Variants in PHACTR1 observed in about 807,000 individuals in gnomAD.
PHACTR1 encodes the protein RPEL repeat containing 1.
In PHACTR1, 16 loss-of-function variants were observed where a neutral mutation model predicts 69.2. That is an observed-to-expected ratio of 0.23 (90% CI 0.16 to 0.35). The LOEUF is 0.35. PHACTR1 is among the 10% of genes least tolerant of loss of function. The pLI is 1.00. For missense variants in PHACTR1, 510 were observed against 734.7 expected (o/e 0.69, Z 3.54); for synonymous variants, 312 against 284.5 (o/e 1.10, Z -0.97).
intron 5 of PHACTR1, among the ~76,000 whole-genome samples, chr6:13,093,449 G>A (rs894417913): frequency 6.6e-6 from 1 of 152,086 alleles, no homozygotes; most frequent in African/African-American, 2.4e-5. Flanking sequence ...GCCTCCCACG[G>A]CCATCATCAT....
intron 4 of PHACTR1, among the ~76,000 whole-genome samples, chr6:12,787,110 AT>A (rs1771636886): frequency 6.6e-6 from 1 of 152,238 alleles, no homozygotes; most frequent in Admixed American, 6.5e-5. Flanking sequence ...CTTATAAAAT[AT>A]TAGAATTGAA....
chr6:13,014,262 A>T (rs1345765203), intron 4 of PHACTR1, among the ~76,000 whole-genome samples: 1 of 151,884 alleles, frequency 6.6e-6, no homozygotes, highest in Non-Finnish European at 1.5e-5. Flanking sequence ...GGACATCCGC[A>T]CTCCACCCAG....
intron 4 of PHACTR1, chr6:12,957,392 G>A (rs890874715): frequency 5.8e-5 from 57 of 985,350 alleles, no homozygotes; most frequent in Admixed American, 6.2e-5. Context: ...GACGGCCGAG[G>A]CAGGTCGGGG....
intron 4 of PHACTR1, among the ~76,000 whole-genome samples, chr6:13,047,655 G>T (rs1805286611): frequency 6.6e-6 from 1 of 152,250 alleles, no homozygotes; most frequent in Non-Finnish European, 1.5e-5. Context: ...CACATGGGGA[G>T]ATCTCCACTG....
chr6:12,830,129 G>GAAAAGAAAGAAAGAAAGAAAGAAAGA (rs138888499), intron 4 of PHACTR1, among the ~76,000 whole-genome samples: 2 of 136,564 alleles, frequency 1.5e-5, no homozygotes, highest in African/African-American at 5.5e-5. Context: ...AAGAAAGAAA[G>GAAAAGAAAGAAAGAAAGAAAGAAAGA]AAAGAAAGAA....
At chr6:13,103,689 T>A (rs1310954239) in intron 5 of PHACTR1, among the ~76,000 whole-genome samples, 1 of 152,240 alleles carries the variant, frequency 6.6e-6, no homozygotes, top group Non-Finnish European at 1.5e-5. Flanking sequence ...CCCCATACCT[T>A]GTGACACCCA....
chr6:13,084,547 T>TA (rs889712692), intron 5 of PHACTR1, among the ~76,000 whole-genome samples: 4 of 149,058 alleles, frequency 2.7e-5, no homozygotes, highest in Admixed American at 2.0e-4. Context: ...TAATACAAAT[T>TA]AAAAAAAAAG....
At chr6:12,732,873 C>G (rs190602091) in intron 3 of PHACTR1, among the ~76,000 whole-genome samples, 3 of 152,254 alleles carry the variant, frequency 2.0e-5, no homozygotes, top group Admixed American at 2.0e-4. Context: ...TTGCTTTTTC[C>G]CAACGGGTGA....
chr6:12,729,724 G>A (rs144359889), intron 3 of PHACTR1, among the ~76,000 whole-genome samples: 3 of 152,336 alleles, frequency 2.0e-5, no homozygotes, highest in Non-Finnish European at 2.9e-5. Flanking sequence ...ACACACTGGG[G>A]AGGAAGACCA....
At chr6:12,727,040 T>C (rs1409109031) in intron 3 of PHACTR1, among the ~76,000 whole-genome samples, 2 of 152,226 alleles carry the variant, frequency 1.3e-5, no homozygotes, top group Admixed American at 6.5e-5. Flanking sequence ...TTTTTGCTTT[T>C]ATTTGTTGTT....
At position 13,194,171 on chromosome 6, in the gene PHACTR1, A is replaced by C. The variant is rs1764015781; in HGVS notation, c.664+11485A>C. 2.0e-5 allele frequency among the ~76,000 whole-genome samples: 3 copies of C among 152,166 alleles called. No individual in the cohort carries two copies. In the South Asian group the frequency reaches 6.2e-4, roughly 32 times the overall value. On this transcript the variant is annotated intron_variant, in intron 7 of 14. Coordinates refer to ENST00000332995, the MANE Select transcript of PHACTR1 (RefSeq NM_030948.6). ...TGTAATCCCAGTACTTTGGGAGGCCAAGGTGGGCAGATCACGAGGTCAAGA... is the reference window on the plus strand; with the variant it reads ...TGTAATCCCAGTACTTTGGGAGGCCCAGGTGGGCAGATCACGAGGTCAAGA...
At chr6:12,894,605 A>G (rs1784472707) in intron 4 of PHACTR1, among the ~76,000 whole-genome samples, 1 of 152,200 alleles carries the variant, frequency 6.6e-6, no homozygotes, top group Non-Finnish European at 1.5e-5. Context: ...ACTCCTTCTG[A>G]AAAAAGAAAC....
intron 4 of PHACTR1, among the ~76,000 whole-genome samples, chr6:13,017,811 AT>A (rs1800408096): frequency 6.6e-6 from 1 of 152,116 alleles, no homozygotes; most frequent in African/African-American, 2.4e-5. Context: ...GTTTTTAAAA[AT>A]ATCTTGAAGC....
At chr6:12,767,924 G>A (rs1309784186) in intron 4 of PHACTR1, among the ~76,000 whole-genome samples, 1 of 152,106 alleles carries the variant, frequency 6.6e-6, no homozygotes, top group Non-Finnish European at 1.5e-5. Context: ...AGTGGTACTT[G>A]GCTTAAATAT....
At chr6:13,083,813 T>A (rs1442883739) in intron 5 of PHACTR1, among the ~76,000 whole-genome samples, 1 of 152,150 alleles carries the variant, frequency 6.6e-6, no homozygotes, top group Non-Finnish European at 1.5e-5. Flanking sequence ...GAGACTTTGC[T>A]GAAGTTGCTT....
In PHACTR1 at chr6:13,069,576, T is replaced by C. The variant is rs140274475; in HGVS notation, c.415+16047T>C. On this transcript the variant is annotated intron_variant, in intron 5 of 14. Transcript: ENST00000332995. ...TATTGTTCTTTCTTTCTTCCTCGGC[T>C]CTGGTTTTCTTTCCATTCTTTCCCT... Among the ~76,000 whole-genome samples, 274 of 152,244 alleles carry C rather than the reference T, an allele frequency of 1.8e-3. 1 individual carries two copies. Among genetic ancestry groups the C allele is most frequent in the African/African-American group, 6.2e-3 (256 of 41,542 alleles).
intron 4 of PHACTR1, among the ~76,000 whole-genome samples, chr6:12,871,973 A>C (rs533642848): frequency 1.3e-5 from 2 of 151,520 alleles, no homozygotes; most frequent in East Asian, 3.9e-4. Context: ...CCTTTTATCT[A>C]CCAATTTTCA....
At chr6:13,255,551 C>A (rs370237838) in intron 10 of PHACTR1, among the ~76,000 whole-genome samples, 6 of 152,264 alleles carry the variant, frequency 3.9e-5, no homozygotes, top group African/African-American at 1.2e-4. Flanking sequence ...CCTGTAAAAT[C>A]AAAAACAAGT....
At chr6:13,086,560 C>T (rs1812349432) in intron 5 of PHACTR1, among the ~76,000 whole-genome samples, 2 of 152,062 alleles carry the variant, frequency 1.3e-5, no homozygotes, top group South Asian at 4.1e-4. Context: ...TTTGTGCTTT[C>T]CAGAATGTGG....
Sources: gnomAD v4.1 joint callset for allele counts (sites outside exome capture counted in the v4.1 genomes callset) on GRCh38, gnomAD v4.1.1 for gene constraint, MANE v1.5 for transcripts, NCBI Gene and HGNC (gene_info 2026-07-23, HGNC 2026-07-21) for gene names.